The following TNRC6B variants were observed in gnomAD, a reference collection of about 807,000 sequenced individuals.
TNRC6B encodes the protein trinucleotide repeat containing adaptor 6B.
Under a neutral mutation model 203.6 loss-of-function variants are expected in TNRC6B, and 52 were observed. The ratio of observed to expected loss-of-function variants is 0.26; its 90% CI spans 0.20 to 0.32. The LOEUF is 0.32. TNRC6B is among the 10% of genes least tolerant of loss of function. The probability of loss-of-function intolerance (pLI) is 1.00; values close to 1 mark genes in which losing one functional copy is unlikely to be tolerated. For missense variants in TNRC6B, 1,923 were observed against 2,286.2 expected, an observed-to-expected ratio of 0.84 and a Z score of 3.24; for synonymous variants, 838 against 845.7, an observed-to-expected ratio of 0.99 and a Z score of 0.16.
At chr22:40,237,427 A>T (rs953067078) in intron 1 of TNRC6B, among the ~76,000 whole-genome samples, 5 of 152,202 alleles carry the variant, frequency 3.3e-5, no homozygotes, top group Non-Finnish European at 7.4e-5. Flanking sequence ...CTGAATTCTC[A>T]GCCTCAGCCT....
At chr22:40,192,497 G>A (rs1302490471) in intron 1 of TNRC6B, among the ~76,000 whole-genome samples, 1 of 152,198 alleles carries the variant, frequency 6.6e-6, no homozygotes, top group African/African-American at 2.4e-5. Context: ...CACACCTGTA[G>A]TCCCAGCTAC....
chr22:40,125,086 G>A (rs768922851), intron 2 of TNRC6B, among the ~76,000 whole-genome samples: 6 of 151,458 alleles, frequency 4.0e-5, no homozygotes, highest in Non-Finnish European at 8.8e-5. Flanking sequence ...ATTTTTAGTA[G>A]TTTCCTTTTG....
intron 1 of TNRC6B, among the ~76,000 whole-genome samples, chr22:40,109,601 T>C (rs531381363): frequency 9.8e-5 from 15 of 152,378 alleles, no homozygotes; most frequent in African/African-American, 2.6e-4. Flanking sequence ...TTCATAGTTA[T>C]AATTTTTAGT....
chr22:40,170,793 GTA>G (rs1263910889), intron 4 of TNRC6B, among the ~76,000 whole-genome samples: 6 of 58,672 alleles, frequency 1.0e-4, no homozygotes, highest in South Asian at 6.8e-4. Flanking sequence ...ATATATGTGT[GTA>G]TATATACATA....
In TNRC6B at chr22:40,225,364, C is replaced by T. The variant is rs951994453; in HGVS notation, c.6-20651C>T. Among the ~76,000 whole-genome samples, 5 of 152,280 alleles carry T rather than the reference C, an allele frequency of 3.3e-5. No individual in the cohort carries two copies. In the South Asian group the frequency reaches 1.0e-3, roughly 32 times the overall value. On this transcript the variant is annotated intron_variant, in intron 1 of 22. Coordinates refer to ENST00000454349, the MANE Select transcript of TNRC6B (RefSeq NM_001162501.2). ...CCCTAGATCAATGATGTGTAGAAAG[C>T]ATAATGCTCAACTGAAAGGAGAAAA... is the stretch of plus-strand genomic sequence containing the variant.
intron 11 of TNRC6B, among the ~76,000 whole-genome samples, chr22:40,285,171 A>AG (rs1332339820): frequency 6.6e-6 from 1 of 152,196 alleles, no homozygotes. Context: ...AGGACAAGGA[A>AG]GGGTGCTAGG....
chr22:40,312,415 T>C (rs1196442576), intron 17 of TNRC6B, 90 bp from the exon 18 acceptor site: 1 of 1,309,904 alleles, frequency 7.6e-7, no homozygotes, highest in Non-Finnish European at 1.0e-6. Context: ...ATTTATACTT[T>C]TCACAGACCC....
intron 10 of TNRC6B, among the ~76,000 whole-genome samples, chr22:40,280,367 T>C (rs894744890): frequency 2.6e-5 from 4 of 152,246 alleles, no homozygotes; most frequent in Non-Finnish European, 5.9e-5. Context: ...TTAGAAAATC[T>C]GAGTTTTGAG....
intron 20 of TNRC6B, 81 bp from the exon 21 acceptor site, chr22:40,315,861 T>C (rs1332614892): frequency 1.9e-6 from 2 of 1,038,930 alleles, no homozygotes; most frequent in African/African-American, 1.6e-5. Context: ...AAATGTGAGC[T>C]ACATGAAAAT....
At chr22:40,270,305 G>C in intron 6 of TNRC6B, 25 bp downstream of exon 6, 9 of 1,293,042 alleles carry the variant, frequency 7.0e-6, no homozygotes, top group Non-Finnish European at 9.0e-6. Context: ...TTTCATTTTT[G>C]AGGGATCCTT....
intron 3 of TNRC6B, among the ~76,000 whole-genome samples, chr22:40,129,833 T>G (rs1180543913): frequency 6.6e-6 from 1 of 152,206 alleles, no homozygotes; most frequent in Admixed American, 6.5e-5. Flanking sequence ...AATGGCAGAA[T>G]GTTGGCAACT....
chr22:40,266,890 T>C lies in TNRC6B; in HGVS notation c.2660T>C (p.Met887Thr). The C allele has an allele frequency of 6.2e-7, 1 of 1,613,850 alleles. No homozygotes were observed. Among genetic ancestry groups the C allele is most frequent in the East Asian group, 2.2e-5 (1 of 44,868 alleles). Reference sequence around the variant, plus strand: ...TCCCCACAGTCAATTAGTCGGAAAATGGACATTGATGATGGCACTTCAGCA... The same window carrying C: ...TCCCCACAGTCAATTAGTCGGAAAACGGACATTGATGATGGCACTTCAGCA... The part of the protein sequence containing the change: ...EPSPQSISRK[M>T]DIDDGTSAWG... Residue 887 changes from methionine (M) to threonine (T), a missense_variant, in exon 5 of 23, where the codon ATG becomes ACG. Physicochemically the swap from Met to Thr is moderately conservative, Grantham distance 81. Coordinates refer to ENST00000454349, the MANE Select transcript of TNRC6B (RefSeq NM_001162501.2).
At chr22:40,137,975 T>C (rs1051536098) in intron 3 of TNRC6B, among the ~76,000 whole-genome samples, 4 of 140,462 alleles carry the variant, frequency 2.8e-5, no homozygotes, top group African/African-American at 2.6e-5. Flanking sequence ...AAAGCTAGAC[T>C]GTATCTCAAA....
At chr22:40,289,660 A>G (rs2070842141) in intron 12 of TNRC6B, among the ~76,000 whole-genome samples, 1 of 152,130 alleles carries the variant, frequency 6.6e-6, no homozygotes, top group Non-Finnish European at 1.5e-5. Context: ...TATTCAGCAG[A>G]ATGTCCCAGA....
Position 40,251,163 on chromosome 22 carries a change from T to C in TNRC6B, c.94-16T>C, listed in dbSNP as rs147462384. 3.8e-4 allele frequency: 586 copies of C among 1,532,780 alleles called. 2 individuals are homozygous for C. The African/African-American group carries it at 7.3e-3, about 19-fold the overall frequency. 94.9% of individuals were successfully genotyped at this position (1,532,780 alleles called of 1,614,324 possible). A position where few individuals can be genotyped will look rare whatever the true frequency, so the allele number is the denominator to read the frequency against. The stretch of plus-strand genomic sequence containing the variant: ...AAAAAGCAAATCTCATTTACTTTTA[T>C]CTGTTTATTTTGCAGGTCACGGAAC... On this transcript the variant is annotated splice_polypyrimidine_tract_variant and intron_variant, in intron 2 of 22. Transcript: ENST00000454349.
chr22:40,190,455 C>T (rs943425454), intron 1 of TNRC6B, among the ~76,000 whole-genome samples: 9 of 152,184 alleles, frequency 5.9e-5, no homozygotes, highest in Non-Finnish European at 1.3e-4. Context: ...GTTGGCTCTT[C>T]ATGAGTTATG....
intron 1 of TNRC6B, among the ~76,000 whole-genome samples, chr22:40,202,158 T>TA (rs2146408577): frequency 6.6e-6 from 1 of 152,250 alleles, no homozygotes; most frequent in Non-Finnish European, 1.5e-5. Context: ...CTAGTTGAGT[T>TA]AAAGTCATTT....
chr22:40,187,039 A>G (rs1046168973), intron 1 of TNRC6B, among the ~76,000 whole-genome samples: 2 of 152,234 alleles, frequency 1.3e-5, no homozygotes, highest in Non-Finnish European at 2.9e-5. Context: ...CAAACATAAA[A>G]AAGTTTTCCA....
intron 1 of TNRC6B, among the ~76,000 whole-genome samples, chr22:40,046,247 A>G (rs1037269725): frequency 1.3e-5 from 2 of 152,208 alleles, no homozygotes; most frequent in Non-Finnish European, 2.9e-5. Flanking sequence ...GAAAGTACAG[A>G]TGTGTTTTGG....
Sources: allele counts gnomAD v4.1 joint callset (sites outside exome capture counted in the v4.1 genomes callset), GRCh38; gene constraint gnomAD v4.1.1; transcripts MANE v1.5; gene names NCBI Gene and HGNC (gene_info 2026-07-23, HGNC 2026-07-21).